Variants in DPP6 observed in about 807,000 individuals in gnomAD.
The protein encoded by DPP6 is dipeptidyl peptidase like 6, also known as A-type potassium channel modulatory protein DPP6.
In DPP6, 69 loss-of-function variants were observed where a neutral mutation model predicts 122.6. The observed-to-expected ratio is 0.56, with a 90% CI of 0.46 to 0.69. The LOEUF is 0.69. Among genes scored for constraint, DPP6 ranks in the 30% least tolerant of loss-of-function variants. The pLI, the probability that DPP6 is intolerant of heterozygous loss-of-function variation, is 0.00. For synonymous variants in DPP6, 418 were observed against 433.1 expected, an observed-to-expected ratio of 0.97 and a Z score of 0.43; for missense variants, 928 against 1,116.9, an observed-to-expected ratio of 0.83 and a Z score of 2.41.
upstream of DPP6, among the ~76,000 whole-genome samples, chr7:154,047,635 C>T (rs1200008567): frequency 6.6e-6 from 1 of 151,580 alleles, no homozygotes; most frequent in Non-Finnish European, 1.5e-5. Context: ...TTCGTGCCTC[C>T]TCCAGGGTGA....
chr7:153,764,738 G>C, the DPP6 span, among the ~76,000 whole-genome samples: 1 of 150,880 alleles, frequency 6.6e-6, no homozygotes, highest in Non-Finnish European at 1.5e-5. Flanking sequence ...TCTATTGGGT[G>C]GAGTTCCTTA....
intron 1 of DPP6, among the ~76,000 whole-genome samples, chr7:154,006,101 T>C (rs1797903009): frequency 6.6e-6 from 1 of 152,222 alleles, no homozygotes; most frequent in East Asian, 1.9e-4. Flanking sequence ...TACTGATAGG[T>C]TAGTGCCAAG....
At chr7:154,393,554 A>ATT (rs552425581) in intron 1 of DPP6, among the ~76,000 whole-genome samples, 24 of 141,516 alleles carry the variant, frequency 1.7e-4, no homozygotes, top group East Asian at 6.2e-4. Context: ...AGATTGTTCA[A>ATT]TTTTTTTTTT....
chr7:154,051,325 G>A (rs1469529103), upstream of DPP6, among the ~76,000 whole-genome samples: 1 of 131,238 alleles, frequency 7.6e-6, no homozygotes, highest in Non-Finnish European at 1.7e-5. Flanking sequence ...GTCCTTCCCG[G>A]CCGGGAAGGG....
chr7:154,834,393 T>C (rs905779530), intron 16 of DPP6, among the ~76,000 whole-genome samples: 4 of 151,864 alleles, frequency 2.6e-5, no homozygotes, highest in African/African-American at 9.7e-5. Flanking sequence ...GGGGAATCAC[T>C]TGAACCCAGG....
intron 1 of DPP6, among the ~76,000 whole-genome samples, chr7:153,949,191 A>T (rs1802090152): frequency 6.6e-6 from 1 of 152,144 alleles, no homozygotes; most frequent in African/African-American, 2.4e-5. Context: ...ACACTGATGG[A>T]TGTCTGGAAG....
rs553326184 is a variant in DPP6 at position 154,101,089 on chromosome 7, A to C, written c.243+48026A>C. Among the ~76,000 whole-genome samples, 94 of 130,990 alleles carry C rather than the reference A, an allele frequency of 7.2e-4. 3 individuals carry two copies. The highest frequency in any genetic ancestry group is 2.4e-3 in the African/African-American group (93 of 38,782). 85.9% of individuals were successfully genotyped at this position (130,990 alleles called of 152,430 possible). A position where few individuals can be genotyped will look rare whatever the true frequency, so the allele number is the denominator to read the frequency against. On this transcript the variant is annotated intron_variant, in intron 1 of 25. Transcript: ENST00000377770. ...CCGCCTCTTGTCTCCAGGTCTTTGT[A>C]TCTAACTGACCAGTTGGACACTCAC...
chr7:154,246,189 A>G (rs934780119), intron 1 of DPP6, among the ~76,000 whole-genome samples: 1 of 152,236 alleles, frequency 6.6e-6, no homozygotes, highest in African/African-American at 2.4e-5. Context: ...TACATATTTT[A>G]AGCTAAACTG....
At chr7:153,901,125 T>C (rs925575153) in intron 1 of DPP6, among the ~76,000 whole-genome samples, 4 of 152,204 alleles carry the variant, frequency 2.6e-5, no homozygotes, top group African/African-American at 9.6e-5. Context: ...TTCTTCTTCT[T>C]CTTCTATATA....
intron 1 of DPP6, among the ~76,000 whole-genome samples, chr7:154,062,641 T>C (rs1802165955): frequency 2.0e-5 from 1 of 49,338 alleles, no homozygotes; most frequent in South Asian, 1.2e-3. Flanking sequence ...AGGACCCCCA[T>C]CGCAGGAGGG....
the DPP6 span, among the ~76,000 whole-genome samples, chr7:153,759,998 T>C: frequency 3.0e-5 from 4 of 135,070 alleles, no homozygotes; most frequent in Admixed American, 2.7e-4. Context: ...TCTCTCTCTA[T>C]CTGTATGTGA....
chr7:153,965,157 C>T (rs747863404), intron 1 of DPP6, among the ~76,000 whole-genome samples: 19 of 151,840 alleles, frequency 1.3e-4, no homozygotes, highest in South Asian at 4.2e-4. Flanking sequence ...GGTGTGTAAC[C>T]GTGGCTCTTA....
intron 1 of DPP6, among the ~76,000 whole-genome samples, chr7:154,433,136 G>GTTATTTTTTTTTTTT (rs1818565999): frequency 1.4e-5 from 1 of 72,336 alleles, no homozygotes; most frequent in African/African-American, 5.9e-5. Flanking sequence ...TAGACTGCAA[G>GTTATTTTTTTTTTTT]TTTTTTTTTT....
Position 154,817,447 on chromosome 7 carries a change from A to T in DPP6, c.1666+10335A>T, listed in dbSNP as rs577508185. Among the ~76,000 whole-genome samples the T allele has an allele frequency of 1.6e-4, 24 of 152,326 alleles. No homozygotes were observed. The South Asian group carries it at 4.8e-3, about 30-fold the overall frequency. On this transcript the variant is annotated intron_variant, in intron 16 of 25. Coordinates refer to ENST00000377770, the MANE Select transcript of DPP6 (RefSeq NM_130797.4). ...TTATGAGTGATTGATATATGATGTC[A>T]TGAACATCATGAGTGAGTGATTAAT...
chr7:153,762,460 C>T, the DPP6 span, among the ~76,000 whole-genome samples: 2 of 152,102 alleles, frequency 1.3e-5, no homozygotes, highest in African/African-American at 4.8e-5. Context: ...TCCCAGGCCA[C>T]TTATCTTCTA....
chr7:154,119,335 C>T (rs902813991), intron 1 of DPP6, among the ~76,000 whole-genome samples: 15 of 152,178 alleles, frequency 9.9e-5, no homozygotes, highest in Non-Finnish European at 2.1e-4. Context: ...AAGAAAGTGA[C>T]TTTATTCACT....
At chr7:153,949,974 C>T (rs1802131120) in intron 1 of DPP6, among the ~76,000 whole-genome samples, 1 of 152,206 alleles carries the variant, frequency 6.6e-6, no homozygotes, top group African/African-American at 2.4e-5. Context: ...CTAGTCAACA[C>T]ATCTCTAATG....
intron 1 of DPP6, among the ~76,000 whole-genome samples, chr7:154,326,874 A>G (rs967052152): frequency 6.6e-6 from 1 of 152,174 alleles, no homozygotes; most frequent in Non-Finnish European, 1.5e-5. Flanking sequence ...TTTCCTCTTG[A>G]TTTCCTACAA....
At chr7:154,597,843 C>T (rs1563913372) in intron 5 of DPP6, among the ~76,000 whole-genome samples, 1 of 152,122 alleles carries the variant, frequency 6.6e-6, no homozygotes, top group South Asian at 2.1e-4. Context: ...CCCAGGTGCA[C>T]CAATGCATCT....
Sources: allele counts gnomAD v4.1 joint callset (sites outside exome capture counted in the v4.1 genomes callset), GRCh38; gene constraint gnomAD v4.1.1; transcripts MANE v1.5; gene names NCBI Gene and HGNC (gene_info 2026-07-23, HGNC 2026-07-21).